TLE2: variants seen among roughly 807,000 people sequenced by gnomAD.
TLE2 encodes the protein TLE family member 2, transcriptional corepressor.
TLE2 carries 74 observed loss-of-function variants against 97.2 expected under a neutral mutation model. The ratio of observed to expected loss-of-function variants is 0.76; its 90% CI spans 0.63 to 0.92. TLE2 has a LOEUF of 0.92. Ranked by LOEUF, TLE2 falls within the 40% of genes least tolerant of loss-of-function variation. TLE2 has a pLI of 0.00. For missense variants in TLE2, 1,038 were observed against 1,008.7 expected, an observed-to-expected ratio of 1.03 and a Z score of -0.39; for synonymous variants, 499 against 432.1, an observed-to-expected ratio of 1.15 and a Z score of -1.92.
chr19:3,009,130 CA>C (rs1440653739), intron 13 of TLE2, among the ~76,000 whole-genome samples, 185 bp from the exon 14 acceptor site: 3 of 152,130 alleles, frequency 2.0e-5, no homozygotes, highest in Non-Finnish European at 4.4e-5. Context: ...ACACCGACAC[CA>C]AAATCTCTAT....
intron 14 of TLE2, among the ~76,000 whole-genome samples, chr19:3,008,489 T>C (rs1414330083): frequency 6.6e-6 from 1 of 151,560 alleles, no homozygotes; most frequent in African/African-American, 2.4e-5. Context: ...CTCGCTCTAT[T>C]GCCCAGGCTG....
At chr19:3,036,988 T>G (rs977964270) in intron 1 of TLE2, among the ~76,000 whole-genome samples, 2 of 152,106 alleles carry the variant, frequency 1.3e-5, no homozygotes. Flanking sequence ...GGTGGTAGTA[T>G]TTAATAGATG....
chr19:3,027,936 T>C, intron 3 of TLE2, 63 bp from the exon 4 acceptor site: 1 of 1,513,430 alleles, frequency 6.6e-7, no homozygotes, highest in South Asian at 1.2e-5. Context: ...TCCAGATAGG[T>C]GATGCCAGGG....
intron 1 of TLE2, among the ~76,000 whole-genome samples, chr19:3,038,132 TAATAAC>T (rs944504143): frequency 3.3e-5 from 5 of 151,958 alleles, no homozygotes; most frequent in Non-Finnish European, 4.4e-5. Context: ...AAAAAAATAA[TAATAAC>T]AATAACAATA....
rs1476548597 is a variant in TLE2, at chr19:3,011,017, C to G, written c.1012+5G>C. ...CAGACAGGCACCAACAGGCAAGGTG[C>G]TCACCGACGCTGTCCGTGGAAGGTG... On this transcript the variant is annotated splice_donor_5th_base_variant and intron_variant, in intron 12 of 19. Coordinates refer to ENST00000262953, the MANE Select transcript of TLE2 (RefSeq NM_003260.5). 4.4e-6 allele frequency: 7 copies of G among 1,601,592 alleles called. No homozygotes were observed. In the South Asian group the frequency reaches 7.9e-5, roughly 18 times the overall value.
At chr19:3,015,020 C>CTTAA (rs1328777390) in intron 9 of TLE2, among the ~76,000 whole-genome samples, 1 of 131,466 alleles carries the variant, frequency 7.6e-6, no homozygotes, top group Non-Finnish European at 1.6e-5. Context: ...AAGACTCCAC[C>CTTAA]TTAATAAATA....
At position 3,028,807 on chromosome 19, in the gene TLE2, G is replaced by A. The variant is rs773193336; in HGVS notation, c.25-4C>T. 7.4e-6 allele frequency: 12 copies of A among 1,611,672 alleles called. No homozygotes were observed. Among genetic ancestry groups the A allele is most frequent in the Admixed American group, 1.7e-5 (1 of 59,990 alleles). ...GCTGGCCGGACTGGAGCGGGGTCTGGGGGGGGTGTGGGGGAAACGTCAGGG... is the reference window on the plus strand; with the variant it reads ...GCTGGCCGGACTGGAGCGGGGTCTGAGGGGGGTGTGGGGGAAACGTCAGGG... On this transcript the variant is annotated splice_region_variant and splice_polypyrimidine_tract_variant and intron_variant, in intron 1 of 19. Coordinates refer to ENST00000262953, the MANE Select transcript of TLE2 (RefSeq NM_003260.5).
intron 10 of TLE2, 133 bp from the exon 11 acceptor site, chr19:3,013,951 ATCT>A (rs924062275): frequency 7.7e-6 from 7 of 906,024 alleles, no homozygotes; most frequent in African/African-American, 1.7e-5. Flanking sequence ...AGATTATGAA[ATCT>A]TCTGCTGCCT....
In TLE2 at chr19:3,045,744, A is replaced by C. The variant is rs889002977; in HGVS notation, c.45T>G (p.Ser15=). 3 of 448,294 alleles carry C rather than the reference A, an allele frequency of 6.7e-6. No homozygotes were observed. In the Admixed American group the frequency reaches 7.1e-5, roughly 11 times the overall value. 27.8% of individuals were successfully genotyped at this position (448,294 alleles called of 1,614,324 possible). A position where few individuals can be genotyped will look rare whatever the true frequency, so the allele number is the denominator to read the frequency against. Residue 15 remains serine, a synonymous_variant, in exon 1 of 19, where the codon TCT becomes TCG. Coordinates refer to the TLE2 transcript ENST00000426948. ...TACTCGCCTGTAATCCTGAAGCAGG[A>C]GAATCTTGGGAGGCGGAGGTTGCAG...
At position 3,002,333 on chromosome 19, in the gene TLE2, C is replaced by A; in HGVS notation, c.2047+20G>T. The A allele has an allele frequency of 1.5e-5, 24 of 1,587,770 alleles. No homozygotes were observed. Among genetic ancestry groups the A allele is most frequent in the Non-Finnish European group, 2.0e-5 (23 of 1,165,144 alleles). ...TTGTTGGGGTTTTGAGGGCGTGCCA[C>A]CCCGCCCCAGAAGACACACCGCAGG... On this transcript the variant is annotated intron_variant, in intron 18 of 19. Transcript: ENST00000262953.
Position 3,014,561 on chromosome 19 carries a change from T to C in TLE2, c.723+9A>G, listed in dbSNP as rs1276371696. ...AGAGTCGGGGAAGAGGCTGGACCCC[T>C]GGACTCACCTCGTCCACCACCAGAT... On this transcript the variant is annotated intron_variant, in intron 10 of 19. Coordinates refer to ENST00000262953, the MANE Select transcript of TLE2 (RefSeq NM_003260.5). The C allele has an allele frequency of 6.3e-6, 10 of 1,584,984 alleles. No individual in the cohort carries two copies. The highest frequency in any genetic ancestry group is 8.6e-6 in the Non-Finnish European group (10 of 1,165,600).
chr19:3,006,613 G>A lies in TLE2; in HGVS notation c.1307C>T (p.Ser436Leu). The A allele has an allele frequency of 4.3e-6, 7 of 1,610,844 alleles. No individual in the cohort carries two copies. The highest frequency in any genetic ancestry group is 5.9e-6 in the Non-Finnish European group (7 of 1,178,688). Reference protein sequence around the residue: ...DGQMQPVPFPSDALVGAGIPR... With the variant: ...DGQMQPVPFPLDALVGAGIPR... ...GATGCCCGCGCCTACCAGTGCATCC[G>A]AGGGGAAGGGAACCGGCTGCATCTG... The change falls in exon 15 of 20, where the codon TCG becomes TTG. Residue 436 changes from serine to leucine, a missense_variant. Ser to Leu is a moderately radical substitution (Grantham distance 145). Transcript: ENST00000262953.
At chr19:3,011,662 G>C (rs12979422) in intron 11 of TLE2, among the ~76,000 whole-genome samples, 1 of 150,678 alleles carries the variant, frequency 6.6e-6, no homozygotes, top group African/African-American at 2.4e-5. Context: ...CCAGCCTGGC[G>C]AACATGGTGA....
chr19:3,000,787 G>A (rs1358609081), intron 18 of TLE2, 64 bp from the exon 19 acceptor site: 3 of 1,328,960 alleles, frequency 2.3e-6, no homozygotes, highest in Middle Eastern at 1.9e-4. Flanking sequence ...GGCTGCAGGG[G>A]GAGGTCGGGG....
At chr19:3,002,758 T>G (rs2089392813) in intron 17 of TLE2, among the ~76,000 whole-genome samples, 1 of 151,966 alleles carries the variant, frequency 6.6e-6, no homozygotes, top group Admixed American at 6.6e-5. Context: ...GAGTGCAATG[T>G]TGCAGTCTCA....
At chr19:3,009,133 A>C in intron 13 of TLE2, among the ~76,000 whole-genome samples, 188 bp from the exon 14 acceptor site, 1 of 152,010 alleles carries the variant, frequency 6.6e-6, no homozygotes, top group Middle Eastern at 3.2e-3. Context: ...CCGACACCAA[A>C]ATCTCTATCC....
chr19:3,000,120 G>A (rs2089322196), intron 19 of TLE2, among the ~76,000 whole-genome samples: 2 of 151,284 alleles, frequency 1.3e-5, no homozygotes, highest in Admixed American at 1.3e-4. Flanking sequence ...CGCCCAGGCT[G>A]GAGTGCAGTG....
intron 1 of TLE2, among the ~76,000 whole-genome samples, chr19:3,036,384 C>T (rs2090062913): frequency 6.6e-6 from 1 of 152,250 alleles, no homozygotes; most frequent in Non-Finnish European, 1.5e-5. Flanking sequence ...CGCTCCCTCC[C>T]TGCCGGCTCC....
At chr19:3,043,234 G>C (rs2090117404) in intron 1 of TLE2, among the ~76,000 whole-genome samples, 1 of 151,974 alleles carries the variant, frequency 6.6e-6, no homozygotes, top group South Asian at 2.1e-4. Context: ...TCCCGCCTCA[G>C]CCTCCCAAGT....
Sources: gnomAD v4.1 joint callset for allele counts (sites outside exome capture counted in the v4.1 genomes callset) on GRCh38, gnomAD v4.1.1 for gene constraint, MANE v1.5 for transcripts, NCBI Gene and HGNC (gene_info 2026-07-23, HGNC 2026-07-21) for gene names.